Variants in TEX26 observed in about 807,000 individuals in gnomAD.
TEX26 encodes the protein testis-expressed protein 26.
TEX26 carries 34 observed loss-of-function variants against 35.3 expected under a neutral mutation model. The ratio of observed to expected loss-of-function variants is 0.96; its 90% CI spans 0.73 to 1.28. The LOEUF (loss-of-function observed/expected upper bound fraction) is 1.28, where lower values mean the gene tolerates loss of function less well. TEX26 is among the 50% of genes most tolerant of loss of function. TEX26 has a pLI of 0.00. For synonymous variants in TEX26, 136 were observed against 111.8 expected (o/e 1.22, Z -1.36); for missense variants, 371 against 330.1 (o/e 1.12, Z -0.96).
chr13:30,952,939 A>G lies in TEX26; in HGVS notation c.312+114A>G, dbSNP rs1953986464. Reference sequence around the variant, plus strand: ...CTCTCAGCTTCTACAGTCACAGGATACATGGTTCTTTTTAGACTATTTCCT... The same window carrying G: ...CTCTCAGCTTCTACAGTCACAGGATGCATGGTTCTTTTTAGACTATTTCCT... On this transcript the variant is annotated intron_variant, in intron 3 of 6. Transcript: ENST00000380473. The G allele has an allele frequency of 3.3e-6, 3 of 910,246 alleles. No individual in the cohort carries two copies. The South Asian group carries it at 5.3e-5, about 16-fold the overall frequency. The allele number at this position is 910,246 out of a possible 1,614,324, so 56.4% of individuals were successfully genotyped here. A position where few individuals can be genotyped will look rare whatever the true frequency, so the allele number is the denominator to read the frequency against.
intron 2 of TEX26, among the ~76,000 whole-genome samples, chr13:30,947,741 C>T (rs1953765027): frequency 6.6e-6 from 1 of 151,936 alleles, no homozygotes; most frequent in Non-Finnish European, 1.5e-5. Context: ...ATAATACAAA[C>T]TTTTTTTATT....
rs1267900599 is a variant in TEX26 at position 30,956,856 on chromosome 13, TA to T, written c.313-16del. 1 of 1,611,682 alleles carries T rather than the reference TA, an allele frequency of 6.2e-7. No individual in the cohort carries two copies. Among genetic ancestry groups the T allele is most frequent in the South Asian group, 1.1e-5 (1 of 90,962 alleles). On this transcript the variant is annotated splice_polypyrimidine_tract_variant and intron_variant, in intron 3 of 6. Transcript: ENST00000380473. ...AACCCATATGGATTTTCTTGAAAATTATGTTTGCTTTGATAGGACATTTTCC... is the reference window on the plus strand; with the variant it reads ...AACCCATATGGATTTTCTTGAAAATTTGTTTGCTTTGATAGGACATTTTCC...
chr13:30,965,918 G>A (rs573221782), intron 4 of TEX26, among the ~76,000 whole-genome samples: 8 of 152,170 alleles, frequency 5.3e-5, no homozygotes, highest in South Asian at 2.1e-4. Flanking sequence ...TTTATATGGC[G>A]ACCCTGGCCC....
chr13:30,959,537 C>T (rs1236648053), intron 4 of TEX26, among the ~76,000 whole-genome samples: 2 of 152,190 alleles, frequency 1.3e-5, no homozygotes, highest in Non-Finnish European at 2.9e-5. Context: ...ACTGTGATTA[C>T]ATGAGTACGT....
chr13:30,970,052 A>G (rs1274744860), intron 6 of TEX26, among the ~76,000 whole-genome samples: 3 of 152,024 alleles, frequency 2.0e-5, no homozygotes, highest in Non-Finnish European at 4.4e-5. Flanking sequence ...CCCAGCCACA[A>G]TCAGAAGAGC....
chr13:30,966,108 C>G, intron 4 of TEX26, 114 bp from the exon 5 acceptor site: 1 of 1,041,884 alleles, frequency 9.6e-7, no homozygotes, highest in African/African-American at 1.6e-5. Context: ...ATTATTTCTC[C>G]ATTGAAGTGT....
At chr13:30,942,961 T>A (rs1953568207) in intron 2 of TEX26, among the ~76,000 whole-genome samples, 1 of 152,178 alleles carries the variant, frequency 6.6e-6, no homozygotes, top group Non-Finnish European at 1.5e-5. Flanking sequence ...AGGATTGTTT[T>A]GGCTATTTGG....
At chr13:30,936,135 C>CT (rs1302248247) in intron 1 of TEX26, among the ~76,000 whole-genome samples, 2 of 152,148 alleles carry the variant, frequency 1.3e-5, no homozygotes, top group Non-Finnish European at 2.9e-5. Flanking sequence ...CTACAAGCAA[C>CT]TTACATATAT....
At chr13:30,974,582 C>CT (rs1015061776) in intron 6 of TEX26, among the ~76,000 whole-genome samples, 2 of 152,188 alleles carry the variant, frequency 1.3e-5, no homozygotes, top group Non-Finnish European at 2.9e-5. Flanking sequence ...AGAACTAAAA[C>CT]TTAAGCCTGT....
intron 2 of TEX26, among the ~76,000 whole-genome samples, chr13:30,946,114 A>C (rs1037619996): frequency 6.6e-6 from 1 of 151,920 alleles, no homozygotes; most frequent in Non-Finnish European, 1.5e-5. Context: ...GCCATTCTAC[A>C]TAATCCCATA....
In TEX26 at chr13:30,968,968, T is replaced by C; in HGVS notation, c.730T>C (p.Tyr244His). Residue 244 changes from tyrosine (Y) to histidine (H), a missense_variant, in exon 6 of 7, where the codon TAC becomes CAC. Physicochemically the swap from Tyr to His is moderately conservative, Grantham distance 83. Transcript: ENST00000380473. The part of the protein sequence containing the change: ...TTYQSDYDKT[Y>H]PDFLMLLNSF... The stretch of plus-strand genomic sequence containing the variant: ...ATACCAAAGTGACTACGACAAAACC[T>C]ACCCAGATTTCTTAATGCTTTTAAA... The C allele has an allele frequency of 6.2e-7, 1 of 1,614,050 alleles. No homozygotes were observed. The highest frequency in any genetic ancestry group is 1.3e-5 in the African/African-American group (1 of 75,044).
At chr13:30,974,790 T>G (rs554750000) in intron 6 of TEX26, 56 bp from the exon 7 acceptor site, 273 of 1,466,804 alleles carry the variant, frequency 1.9e-4, no homozygotes, top group Non-Finnish European at 2.4e-4. Context: ...TTTCCCAATT[T>G]ATCATTTAAA....
intron 4 of TEX26, among the ~76,000 whole-genome samples, chr13:30,960,705 T>C (rs1476094773): frequency 6.6e-6 from 1 of 152,260 alleles, no homozygotes; most frequent in Non-Finnish European, 1.5e-5. Flanking sequence ...TTTTAAGATA[T>C]TTATGATATA....
chr13:30,946,699 G>A (rs1250962308), intron 2 of TEX26, among the ~76,000 whole-genome samples: 1 of 151,806 alleles, frequency 6.6e-6, no homozygotes, highest in Non-Finnish European at 1.5e-5. Context: ...GCTTTCAGGG[G>A]TGAAGTCTGC....
chr13:30,936,084 G>T (rs114707312), intron 1 of TEX26, among the ~76,000 whole-genome samples: 1 of 152,164 alleles, frequency 6.6e-6, no homozygotes, highest in African/African-American at 2.4e-5. Context: ...TGGGGATTAG[G>T]ACATGGAAAT....
chr13:30,960,562 T>C (rs1385822632), intron 4 of TEX26, among the ~76,000 whole-genome samples: 1 of 152,234 alleles, frequency 6.6e-6, no homozygotes, highest in Admixed American at 6.5e-5. Context: ...TCTTTACTTT[T>C]TAATCTAGCT....
chr13:30,948,819 T>C (rs1319952036), intron 2 of TEX26, among the ~76,000 whole-genome samples: 1 of 152,144 alleles, frequency 6.6e-6, no homozygotes, highest in Non-Finnish European at 1.5e-5. Context: ...CTTGGCCATG[T>C]CTATGTCCTG....
At chr13:30,968,536 G>A (rs1174465553) in intron 5 of TEX26, among the ~76,000 whole-genome samples, 3 of 152,074 alleles carry the variant, frequency 2.0e-5, no homozygotes, top group Non-Finnish European at 4.4e-5. Flanking sequence ...TGTAATTTGG[G>A]GTGAAATATT....
At chr13:30,971,501 G>A (rs954637572) in intron 6 of TEX26, among the ~76,000 whole-genome samples, 1 of 152,172 alleles carries the variant, frequency 6.6e-6, no homozygotes, top group East Asian at 1.9e-4. Flanking sequence ...AGTTGGGTGG[G>A]AGGTGAGGGT....
Sources: allele counts gnomAD v4.1 joint callset (sites outside exome capture counted in the v4.1 genomes callset), GRCh38; gene constraint gnomAD v4.1.1; transcripts MANE v1.5; gene names NCBI Gene and HGNC (gene_info 2026-07-23, HGNC 2026-07-21).